LYST: variants seen among roughly 807,000 people sequenced by gnomAD.
The protein encoded by LYST is lysosomal-trafficking regulator.
LYST carries 192 observed loss-of-function variants against 413.6 expected under a neutral mutation model. That is an observed-to-expected ratio of 0.46 (90% CI 0.41 to 0.52). LYST has a LOEUF of 0.52. LYST is among the 20% of genes least tolerant of loss of function. The probability of loss-of-function intolerance (pLI) is 0.00; values close to 1 mark genes in which losing one functional copy is unlikely to be tolerated. For synonymous variants in LYST, 1,525 were observed against 1,567.3 expected (o/e 0.97, Z 0.64); for missense variants, 3,815 against 4,499.9 (o/e 0.85, Z 4.35).
chr1:235,677,504 G>C lies in LYST; in HGVS notation c.10916C>G (p.Thr3639Ser). The C allele has an allele frequency of 6.2e-7, 1 of 1,613,700 alleles. No individual in the cohort carries two copies. Among genetic ancestry groups the C allele is most frequent in the East Asian group, 2.2e-5 (1 of 44,770 alleles). The change falls in exon 49 of 53, where the codon ACC becomes AGC. Residue 3639 changes from threonine (T) to serine (S), a missense_variant. Transcript: ENST00000389793. ...SILISVSRDGTCIIWDLNRLC... is the reference protein window; with the variant it reads ...SILISVSRDGSCIIWDLNRLC... ...CCTGTTTAAATCCCATATGATGCAG[G>C]TTCCGTCTCTGCTCACACTTATCAG...
chr1:235,828,625 G>A (rs952697545), intron 3 of LYST: 1 of 288,986 alleles, frequency 3.5e-6, no homozygotes, highest in Non-Finnish European at 5.2e-6. Context: ...ATTCCATGCA[G>A]AAGTACTGTA....
At chr1:235,776,295 A>G (rs1333192853) in intron 17 of LYST, among the ~76,000 whole-genome samples, 1 of 152,206 alleles carries the variant, frequency 6.6e-6, no homozygotes, top group Non-Finnish European at 1.5e-5. Context: ...CCCTAACAAC[A>G]ACAAACGCTG....
chr1:235,867,019 T>A (rs534487375), upstream of LYST: 104 of 150,356 alleles, frequency 6.9e-4, no homozygotes, highest in South Asian at 2.7e-3. Flanking sequence ...CGTCTGCGCG[T>A]GCGCCCTTGG....
Position 235,802,973 on chromosome 1 carries a change from A to G in LYST, c.3647T>C (p.Val1216Ala), listed in dbSNP as rs138391419. The change falls in exon 8 of 53, where the codon GTT (valine) becomes GCT (alanine). Residue 1216 changes from valine to alanine, a missense_variant. Around this residue, in one of 4 missense-constraint regions of LYST, gnomAD observed 1,648 missense variants for 1,810.3 expected, o/e 0.91. Coordinates refer to ENST00000389793, the MANE Select transcript of LYST (RefSeq NM_000081.4). ...ATCTGCTTCGTAACCTTCTTCTTCAACTAAAAGTTTAAAACTACAACACTG... is the reference window on the plus strand; with the variant it reads ...ATCTGCTTCGTAACCTTCTTCTTCAGCTAAAAGTTTAAAACTACAACACTG... ...DSQCCSFKLLVEEEGYEADSE... is the reference protein window; with the variant it reads ...DSQCCSFKLLAEEEGYEADSE... 1.1e-4 allele frequency: 174 copies of G among 1,613,516 alleles called. No homozygotes were observed. The highest frequency in any genetic ancestry group is 1.5e-4 in the Non-Finnish European group (172 of 1,179,818).
rs1416826068 is a variant in LYST at position 235,854,832 on chromosome 1, TACTTGATC to T, written c.-98+12003_-98+12010del. On this transcript the variant is annotated intron_variant, in intron 1 of 52. Transcript: ENST00000389793. The surrounding 1 kb of genome is among the most constrained non-coding windows in gnomAD (Gnocchi z 4.1). ...CTTACTTGCAATACTAACAACCTCCTACTTGATCACACTGTCTGGTCTATTTTCTGTTT... is the reference window on the plus strand; with the variant it reads ...CTTACTTGCAATACTAACAACCTCCTACACTGTCTGGTCTATTTTCTGTTT... 1.3e-5 allele frequency among the ~76,000 whole-genome samples: 2 copies of T among 152,176 alleles called. No homozygotes were observed. The highest frequency in any genetic ancestry group is 2.9e-5 in the Non-Finnish European group (2 of 68,024).
chr1:235,755,430 A>AAAGAAAAGAAAAG (rs747183026), intron 25 of LYST, 48 bp downstream of exon 25: 3 of 1,277,114 alleles, frequency 2.3e-6, no homozygotes, highest in African/African-American at 3.0e-5. Flanking sequence ...AAAGAAAAGA[A>AAAGAAAAGAAAAG]AAAAGACAAA....
At chr1:235,676,995 G>A (rs1659430095) in intron 50 of LYST, 96 bp downstream of exon 50, 5 of 833,400 alleles carry the variant, frequency 6.0e-6, no homozygotes, top group African/African-American at 1.7e-5. Flanking sequence ...GATCTGGCAG[G>A]GACCTGAGAG....
intron 3 of LYST, among the ~76,000 whole-genome samples, chr1:235,815,554 A>T (rs1673961812): frequency 6.6e-6 from 1 of 152,186 alleles, no homozygotes; most frequent in South Asian, 2.1e-4. Context: ...ACAGCTCAAA[A>T]GCTCCTAGAT....
At chr1:235,818,898 T>A (rs1327469884) in intron 3 of LYST, among the ~76,000 whole-genome samples, 1 of 152,218 alleles carries the variant, frequency 6.6e-6, no homozygotes, top group African/African-American at 2.4e-5. Flanking sequence ...CCCACTCAGA[T>A]GAGGGCTTCT....
intron 1 of LYST, among the ~76,000 whole-genome samples, chr1:235,877,332 T>C (rs1355571258): frequency 1.3e-5 from 2 of 152,226 alleles, no homozygotes; most frequent in Non-Finnish European, 2.9e-5. Flanking sequence ...CAGATTGTGC[T>C]GACATCAGAG....
chr1:235,841,460 T>C (rs1677193191), intron 1 of LYST, among the ~76,000 whole-genome samples: 2 of 152,194 alleles, frequency 1.3e-5, no homozygotes, highest in Admixed American at 6.5e-5. Flanking sequence ...ACTGGCACCA[T>C]GTTGGTAGCT....
At chr1:235,780,714 AT>A (rs1194618380) in intron 16 of LYST, 150 bp downstream of exon 16, 15 of 391,418 alleles carry the variant, frequency 3.8e-5, no homozygotes, top group South Asian at 9.6e-5. Flanking sequence ...AAGTGTTTCA[AT>A]TTTTTTCAGA....
intron 14 of LYST, 36 bp downstream of exon 14, chr1:235,787,164 T>G (rs747833182): frequency 7.2e-6 from 11 of 1,517,996 alleles, no homozygotes; most frequent in South Asian, 5.6e-5. Flanking sequence ...ACATTGTAAC[T>G]GAGATTGAGA....
intron 40 of LYST, among the ~76,000 whole-genome samples, chr1:235,717,428 A>G (rs1662943778): frequency 6.6e-6 from 1 of 152,238 alleles, no homozygotes; most frequent in South Asian, 2.1e-4. Context: ...ACATGACACC[A>G]TTCCTTGAAG....
rs78672331 is a variant in LYST, at chr1:235,830,190, A to G, written c.192+36T>C. The G allele has an allele frequency of 4.2e-3, 6,196 of 1,474,356 alleles. 228 individuals are homozygous for G. The African/African-American group carries it at 0.076, about 18-fold the overall frequency. The allele number at this position is 1,474,356 out of a possible 1,614,324, so 91.3% of individuals were successfully genotyped here. A position where few individuals can be genotyped will look rare whatever the true frequency, so the allele number is the denominator to read the frequency against. ...ATGTAGCTACAGTTAACTATCATATATTGATGAAAGTAAGTATTTGATATA... is the reference window on the plus strand; with the variant it reads ...ATGTAGCTACAGTTAACTATCATATGTTGATGAAAGTAAGTATTTGATATA... On this transcript the variant is annotated intron_variant, in intron 3 of 52. Coordinates refer to ENST00000389793, the MANE Select transcript of LYST (RefSeq NM_000081.4).
intron 1 of LYST, among the ~76,000 whole-genome samples, chr1:235,848,911 C>T (rs1488692726): frequency 6.6e-6 from 1 of 151,994 alleles, no homozygotes; most frequent in Non-Finnish European, 1.5e-5. Context: ...CAGGACCAGA[C>T]AGATTCACGG....
At chr1:235,858,480 C>G (rs1411265873) in intron 1 of LYST, among the ~76,000 whole-genome samples, 4 of 152,166 alleles carry the variant, frequency 2.6e-5, no homozygotes, top group African/African-American at 4.8e-5. Flanking sequence ...CCTGAAACTG[C>G]TAACTCCAGA....
chr1:235,740,249 T>C (rs750588433), intron 31 of LYST, among the ~76,000 whole-genome samples: 3 of 152,198 alleles, frequency 2.0e-5, no homozygotes, highest in Non-Finnish European at 2.9e-5. Context: ...TTTTAATATA[T>C]CCTCTCTCAT....
chr1:235,713,906 A>C (rs1662614789), intron 42 of LYST, among the ~76,000 whole-genome samples: 1 of 152,374 alleles, frequency 6.6e-6, no homozygotes, highest in Non-Finnish European at 1.5e-5. Context: ...ATATGAATAC[A>C]TTCATAATAG....
Sources: gnomAD v4.1 joint callset for allele counts (sites outside exome capture counted in the v4.1 genomes callset) on GRCh38, gnomAD v4.1.1 for gene constraint, gnomAD v4.1.1 regional missense constraint, Gnocchi (gnomAD v3.1) non-coding constraint, MANE v1.5 for transcripts, NCBI Gene and HGNC (gene_info 2026-07-23, HGNC 2026-07-21) for gene names.